The following SPAST variants were observed in gnomAD, a reference collection of about 807,000 sequenced individuals.
SPAST encodes the protein spastin.
Under a neutral mutation model 76.6 loss-of-function variants are expected in SPAST, and 30 were observed. The observed-to-expected ratio is 0.39, with a 90% confidence interval of 0.29 to 0.53. The LOEUF (loss-of-function observed/expected upper bound fraction) is 0.53, where lower values mean the gene tolerates loss of function less well. Among genes scored for constraint, SPAST ranks in the 20% least tolerant of loss-of-function variants. The pLI, the probability that SPAST is intolerant of heterozygous loss-of-function variation, is 0.68. For synonymous variants in SPAST, 305 were observed against 281.0 expected (o/e 1.09, Z -0.86); for missense variants, 717 against 770.5 (o/e 0.93, Z 0.82).
At chr2:32,075,540 C>CT (rs1227209698) in intron 1 of SPAST, among the ~76,000 whole-genome samples, 3 of 86,600 alleles carry the variant, frequency 3.5e-5, no homozygotes, top group African/African-American at 9.1e-5. Flanking sequence ...AGTGTCATGG[C>CT]TTTTTTCTTT....
rs550357038 is a variant in SPAST, at chr2:32,109,400, C to T, written c.683-5238C>T. On this transcript the variant is annotated intron_variant, in intron 4 of 16. Transcript: ENST00000315285. The stretch of plus-strand genomic sequence containing the variant: ...CTGGGATTACAGGTGTGAGCCACCA[C>T]GCCTGGCCTTAATTTTTAAATACTG... 1.2e-3 allele frequency among the ~76,000 whole-genome samples: 185 copies of T among 152,068 alleles called. 4 individuals are homozygous for T. The highest frequency in any genetic ancestry group is 3.1e-3 in the Admixed American group (47 of 15,280).
In SPAST at chr2:32,088,090, G is replaced by A. The variant is rs55765224; in HGVS notation, c.502+512G>A. ...TTTAGTGAAGATGGGGTTTTGCCAC[G>A]TTGGCCAGGCTGGTTTCGAACTCCT... On this transcript the variant is annotated intron_variant, in intron 2 of 16. Transcript: ENST00000315285. Among the ~76,000 whole-genome samples, 837 of 152,010 alleles carry A rather than the reference G, an allele frequency of 5.5e-3. 5 individuals carry two copies. The highest frequency in any genetic ancestry group is 7.9e-3 in the South Asian group (38 of 4,814).
chr2:32,102,896 G>A (rs367694573), intron 4 of SPAST, among the ~76,000 whole-genome samples: 23 of 152,072 alleles, frequency 1.5e-4, no homozygotes, highest in African/African-American at 1.9e-4. Context: ...GGATTTTTGC[G>A]TTGATGTTCA....
At chr2:32,095,708 T>C (rs1677890802) in intron 3 of SPAST, among the ~76,000 whole-genome samples, 1 of 151,944 alleles carries the variant, frequency 6.6e-6, no homozygotes, top group African/African-American at 2.4e-5. Flanking sequence ...CACTGCACTC[T>C]AGTCTGGGTG....
chr2:32,141,869 T>C, intron 12 of SPAST, 35 bp from the exon 13 acceptor site: 1 of 1,575,106 alleles, frequency 6.3e-7, no homozygotes, highest in Non-Finnish European at 8.7e-7. Context: ...AAATTCAAAA[T>C]TATATTTCTA....
intron 4 of SPAST, among the ~76,000 whole-genome samples, chr2:32,102,635 A>T (rs891818911): frequency 2.0e-5 from 3 of 152,278 alleles, no homozygotes; most frequent in African/African-American, 7.2e-5. Flanking sequence ...TTATTTTGAG[A>T]TACATCCCAT....
intron 6 of SPAST, 25 bp from the exon 7 acceptor site, chr2:32,116,094 A>T (rs752271268): frequency 2.6e-6 from 4 of 1,535,656 alleles, no homozygotes; most frequent in Non-Finnish European, 3.6e-6. Context: ...TGTATCGTAG[A>T]ACTAACTGAG....
chr2:32,136,825 G>T, intron 10 of SPAST, 52 bp from the exon 11 acceptor site: 2 of 1,405,590 alleles, frequency 1.4e-6, no homozygotes, highest in South Asian at 1.2e-5. Context: ...AATCTCAGAT[G>T]ACTCACATAG....
intron 9 of SPAST, 131 bp from the exon 10 acceptor site, chr2:32,136,432 C>T (rs1411238456): frequency 2.7e-6 from 2 of 736,742 alleles, no homozygotes; most frequent in Admixed American, 4.2e-5. Flanking sequence ...TCTCCCCTTT[C>T]TCAAACCAAA....
At chr2:32,087,691 TTTC>T (rs1317918678) in intron 2 of SPAST, 113 bp downstream of exon 2, 213 of 333,470 alleles carry the variant, frequency 6.4e-4, no homozygotes, top group Admixed American at 5.7e-3. Flanking sequence ...TTTCTTTTCT[TTTC>T]TTTTTTTTTT....
rs543832556 is a variant in SPAST at position 32,138,789 on chromosome 2, T to C, written c.1493+1601T>C. Among the ~76,000 whole-genome samples, 463 of 152,338 alleles carry C rather than the reference T, an allele frequency of 3.0e-3. 1 individual carries two copies. The highest frequency in any genetic ancestry group is 0.011 in the African/African-American group (440 of 41,582). On this transcript the variant is annotated intron_variant, in intron 12 of 16. Coordinates refer to ENST00000315285, the MANE Select transcript of SPAST (RefSeq NM_014946.4). ...GTTTTCTTCTAGCATTTTTATACTT[T>C]GAGATCTTACATTTAAATCTTTAAT...
intron 4 of SPAST, among the ~76,000 whole-genome samples, chr2:32,110,547 TATACTATATA>T (rs1678522914): frequency 3.1e-5 from 4 of 127,158 alleles, no homozygotes; most frequent in Admixed American, 1.7e-4. Flanking sequence ...ATAGTATATA[TATACTATATA>T]GTGTGTATAT....
At chr2:32,086,279 A>C (rs1295287938) in intron 1 of SPAST, among the ~76,000 whole-genome samples, 1 of 151,316 alleles carries the variant, frequency 6.6e-6, no homozygotes, top group African/African-American at 2.4e-5. Context: ...GCAACATGGC[A>C]AGACCCTATC....
intron 1 of SPAST, among the ~76,000 whole-genome samples, chr2:32,082,005 C>CTTTTTTT (rs35493322): frequency 2.0e-4 from 14 of 71,244 alleles, no homozygotes; most frequent in Non-Finnish European, 2.9e-4. Context: ...AGTTCTCTCT[C>CTTTTTTT]TTTTTTTTTT....
At chr2:32,117,839 C>T (rs547677965) in intron 7 of SPAST, among the ~76,000 whole-genome samples, 2 of 151,968 alleles carry the variant, frequency 1.3e-5, no homozygotes, top group African/African-American at 4.8e-5. Flanking sequence ...GCATGAAGAA[C>T]AATTTTTAAA....
At chr2:32,098,539 A>C (rs1042061292) in intron 3 of SPAST, among the ~76,000 whole-genome samples, 1 of 152,174 alleles carries the variant, frequency 6.6e-6, no homozygotes, top group Non-Finnish European at 1.5e-5. Flanking sequence ...GTGATATCTA[A>C]CTACCTCAGG....
At chr2:32,122,190 C>T (rs1679043798) in intron 7 of SPAST, among the ~76,000 whole-genome samples, 2 of 152,104 alleles carry the variant, frequency 1.3e-5, no homozygotes. Context: ...TATTTGGCTT[C>T]TCTAGAAAAG....
At position 32,115,768 on chromosome 2, in the gene SPAST, G is replaced by C. The variant is rs140642309; in HGVS notation, c.937G>C (p.Asp313His). Residue 313 changes from aspartate to histidine, a missense_variant, in exon 6 of 17, where the codon GAC becomes CAC. By Grantham distance (81) the Asp-to-His change is moderately conservative. This residue lies in a region of SPAST where 543 missense variants were observed against 445.2 expected (regional missense o/e 1.22). Transcript: ENST00000315285. The part of the protein sequence containing the change: ...TPTTATRKKK[D>H]LKNFRNVDSN... ...TACAACTGCTACTCGTAAGAAAAAA[G>C]ACTTGAAGAATTTTAGGAATGTGGA... is the stretch of plus-strand genomic sequence containing the variant. 1 of 1,611,464 alleles carries C rather than the reference G, an allele frequency of 6.2e-7. No individual in the cohort carries two copies. The highest frequency in any genetic ancestry group is 8.5e-7 in the Non-Finnish European group (1 of 1,178,022).
At chr2:32,127,465 G>GA (rs1463014919) in intron 8 of SPAST, 1 of 179,870 alleles carries the variant, frequency 5.6e-6, no homozygotes, top group Non-Finnish European at 1.2e-5. Context: ...GAAGTAGATG[G>GA]AAAACCATGT....
Sources: allele counts gnomAD v4.1 joint callset (sites outside exome capture counted in the v4.1 genomes callset), GRCh38; gene constraint gnomAD v4.1.1; regional missense constraint gnomAD v4.1.1; transcripts MANE v1.5; gene names NCBI Gene and HGNC (gene_info 2026-07-23, HGNC 2026-07-21).